IL13RA1: variants seen among roughly 807,000 people sequenced by gnomAD.
IL13RA1 encodes interleukin-13 receptor subunit alpha-1.
Under a neutral mutation model 33.8 loss-of-function variants are expected in IL13RA1, and 14 were observed. The observed-to-expected ratio is 0.41, with a 90% confidence interval of 0.27 to 0.65. The LOEUF is 0.65. Among genes scored for constraint, IL13RA1 ranks in the 30% least tolerant of loss-of-function variants. IL13RA1 has a pLI of 0.28. For missense variants in IL13RA1, 313 were observed against 327.0 expected (o/e 0.96, Z 0.33); for synonymous variants, 116 against 115.7 (o/e 1.00, Z -0.02).
At chrX:118,739,481 A>G (rs762070066) in intron 1 of IL13RA1, among the ~76,000 whole-genome samples, 19 of 112,306 alleles carry the variant, frequency 1.7e-4, no homozygotes, top group Non-Finnish European at 2.8e-4. Flanking sequence ...CATTTGGTAA[A>G]TTACTATTAC....
At chrX:118,743,804 C>G (rs1288608550) in intron 2 of IL13RA1, among the ~76,000 whole-genome samples, 8 of 111,514 alleles carry the variant, frequency 7.2e-5, no homozygotes, top group Admixed American at 6.7e-4. Context: ...GGGAATGATT[C>G]ACCAAAGCCA....
intron 3 of IL13RA1, among the ~76,000 whole-genome samples, chrX:118,748,005 T>TTTTG (rs369385798): frequency 1.1e-5 from 1 of 88,877 alleles, no homozygotes; most frequent in African/African-American, 4.2e-5. Context: ...AGAGTGAATG[T>TTTTG]TGTGTGTGTG....
intron 3 of IL13RA1, among the ~76,000 whole-genome samples, chrX:118,748,040 C>T (rs866269958): frequency 1.9e-5 from 1 of 53,851 alleles, no homozygotes; most frequent in East Asian, 4.7e-4. Flanking sequence ...TGTGTGTGTA[C>T]ACACACAAAA....
downstream of IL13RA1, among the ~76,000 whole-genome samples, chrX:118,796,657 C>A (rs1201333783): frequency 9.0e-6 from 1 of 111,475 alleles, no homozygotes; most frequent in Non-Finnish European, 1.9e-5. Flanking sequence ...CCTGCCTCAG[C>A]CCCCCAAGTA....
chrX:118,789,198 A>C (rs1449152376), intron 10 of IL13RA1, among the ~76,000 whole-genome samples: 1 of 112,459 alleles, frequency 8.9e-6, no homozygotes, highest in Non-Finnish European at 1.9e-5. Context: ...AATGAGGTAG[A>C]TCACTTTTAC....
intron 6 of IL13RA1, 23 bp from the exon 7 acceptor site, chrX:118,766,507 A>G (rs1170864411): frequency 1.6e-5 from 13 of 831,700 alleles, no homozygotes; most frequent in Non-Finnish European, 2.3e-5. Flanking sequence ...TCATTAGTTT[A>G]TTTATTTATT....
At chrX:118,766,218 C>CT (rs1459349801) in intron 6 of IL13RA1, among the ~76,000 whole-genome samples, 1 of 111,615 alleles carries the variant, frequency 9.0e-6, no homozygotes, top group African/African-American at 3.3e-5. Flanking sequence ...AAGATATTCT[C>CT]TGTTTTTATC....
At chrX:118,752,001 T>C (rs1243586074) in intron 4 of IL13RA1, among the ~76,000 whole-genome samples, 2 of 109,845 alleles carry the variant, frequency 1.8e-5, no homozygotes, top group Admixed American at 9.7e-5. Flanking sequence ...AGGATCCTCC[T>C]GGCAAAGTTG....
chrX:118,747,881 C>A (rs1244301315), intron 3 of IL13RA1, among the ~76,000 whole-genome samples: 3 of 109,537 alleles, frequency 2.7e-5, no homozygotes, highest in Admixed American at 1.0e-4. Context: ...AGCCCCTCTG[C>A]ACCTTAGTTT....
At chrX:118,770,799 G>A in intron 8 of IL13RA1, 1 of 315,336 alleles carries the variant, frequency 3.2e-6, no homozygotes, top group Non-Finnish European at 6.1e-6. Flanking sequence ...GCTTTGTCAT[G>A]CTGGTCATCT....
chrX:118,747,293 A>G (rs979820113), intron 3 of IL13RA1, among the ~76,000 whole-genome samples: 2 of 111,346 alleles, frequency 1.8e-5, no homozygotes, highest in African/African-American at 6.5e-5. Context: ...CAACTTGAAT[A>G]ACAATGCCTA....
intron 1 of IL13RA1, among the ~76,000 whole-genome samples, chrX:118,728,962 A>G (rs1204639225): frequency 8.9e-6 from 1 of 112,013 alleles, no homozygotes; most frequent in Non-Finnish European, 1.9e-5. Flanking sequence ...GACCTGAGGG[A>G]GACTTGAAGC....
At chrX:118,791,668 C>A in intron 10 of IL13RA1, 94 bp from the exon 11 acceptor site, 1 of 399,654 alleles carries the variant, frequency 2.5e-6, no homozygotes, top group Non-Finnish European at 4.3e-6. Flanking sequence ...GTTCCATCCA[C>A]ACAAACCTAA....
intron 1 of IL13RA1, among the ~76,000 whole-genome samples, chrX:118,728,866 CAG>C (rs915850884): frequency 5.4e-5 from 6 of 111,135 alleles, no homozygotes; most frequent in Admixed American, 9.5e-5. Flanking sequence ...TAGAGAAAAA[CAG>C]AGCAGGTGGG....
At chrX:118,729,551 A>T (rs1269072505) in intron 1 of IL13RA1, among the ~76,000 whole-genome samples, 1 of 111,982 alleles carries the variant, frequency 8.9e-6, no homozygotes, top group Non-Finnish European at 1.9e-5. Flanking sequence ...GAGCTCCTCC[A>T]GCTCTAATCC....
chrX:118,742,420 A>C (rs1218515527), intron 2 of IL13RA1, among the ~76,000 whole-genome samples: 2 of 112,250 alleles, frequency 1.8e-5, no homozygotes, highest in Non-Finnish European at 3.8e-5. Flanking sequence ...AGAAATTCAC[A>C]GAAAGACCCT....
intron 2 of IL13RA1, among the ~76,000 whole-genome samples, chrX:118,744,745 G>A (rs1311715059): frequency 1.8e-5 from 2 of 111,654 alleles, no homozygotes; most frequent in Non-Finnish European, 3.8e-5. Context: ...ATTCCATTGT[G>A]ATAATTTTTG....
At position 118,767,548 on chromosome X, in the gene IL13RA1, G is replaced by GAA. The variant is rs759733778; in HGVS notation, c.1009+581_1009+582dup. Reference sequence around the variant, plus strand: ...AGAGTGAGACCGTCTCAAGGAAGAAGAAAAAAAAAAGGCAGGCATAATAAA... The same window carrying GAA: ...AGAGTGAGACCGTCTCAAGGAAGAAGAAAAAAAAAAAAGGCAGGCATAATAAA... On this transcript the variant is annotated intron_variant, in intron 8 of 10. Coordinates refer to ENST00000371666, the MANE Select transcript of IL13RA1 (RefSeq NM_001560.3). Among the ~76,000 whole-genome samples, 202 of 102,336 alleles carry GAA rather than the reference G, an allele frequency of 2.0e-3. 2 individuals carry two copies. The highest frequency in any genetic ancestry group is 7.1e-3 in the South Asian group (17 of 2,391). The allele number at this position is 102,336 out of a possible 115,157, so 88.9% of individuals were successfully genotyped here. A position where few individuals can be genotyped will look rare whatever the true frequency, so the allele number is the denominator to read the frequency against.
In IL13RA1 at chrX:118,770,737, C is replaced by A. The variant is rs2017710163; in HGVS notation, c.1010-3142C>A. The A allele has an allele frequency of 1.4e-5, 5 of 357,344 alleles. No homozygotes were observed. In the East Asian group the frequency reaches 4.0e-4, roughly 29 times the overall value. The allele number at this position is 357,344 out of a possible 1,213,427, so 29.4% of individuals were successfully genotyped here. A position where few individuals can be genotyped will look rare whatever the true frequency, so the allele number is the denominator to read the frequency against. ...CATCTTGTGGATGGGTGGCAGGAAC[C>A]CCTTCCTGTGCATCGCCTATGTGGT... On this transcript the variant is annotated intron_variant, in intron 8 of 10. Coordinates refer to ENST00000371666, the MANE Select transcript of IL13RA1 (RefSeq NM_001560.3).
Sources: gnomAD v4.1 joint callset for allele counts (sites outside exome capture counted in the v4.1 genomes callset) on GRCh38, gnomAD v4.1.1 for gene constraint, MANE v1.5 for transcripts, NCBI Gene and HGNC (gene_info 2026-07-23, HGNC 2026-07-21) for gene names.